Variants in MYT1L observed in about 807,000 individuals in gnomAD.
MYT1L encodes myelin transcription factor 1-like protein.
MYT1L carries 12 observed loss-of-function variants against 126.7 expected under a neutral mutation model. The observed-to-expected ratio is 0.09, with a 90% CI of 0.06 to 0.15. The LOEUF is 0.15. Among genes scored for constraint, MYT1L ranks in the 10% least tolerant of loss-of-function variants. The pLI is 1.00. For missense variants in MYT1L, 979 were observed against 1,585.2 expected, an observed-to-expected ratio of 0.62 and a Z score of 6.49; for synonymous variants, 541 against 604.2, an observed-to-expected ratio of 0.90 and a Z score of 1.53.
At chr2:1,968,144 A>C (rs1490885865) in intron 8 of MYT1L, among the ~76,000 whole-genome samples, 1 of 152,126 alleles carries the variant, frequency 6.6e-6, no homozygotes, top group African/African-American at 2.4e-5. Flanking sequence ...CTCTAGCAGC[A>C]CCACTCTCTG....
intron 21 of MYT1L, among the ~76,000 whole-genome samples, chr2:1,826,492 A>G (rs898782314): frequency 2.0e-5 from 3 of 152,150 alleles, no homozygotes; most frequent in African/African-American, 7.2e-5. Context: ...GAGGAGGTTG[A>G]CCAGATGTCA....
At chr2:1,971,821 G>A (rs954759940) in intron 8 of MYT1L, among the ~76,000 whole-genome samples, 4 of 152,094 alleles carry the variant, frequency 2.6e-5, no homozygotes, top group African/African-American at 9.7e-5. Flanking sequence ...TGAATTTTGT[G>A]TCTGCAAATC....
chr2:1,874,782 T>C (rs749653121), intron 18 of MYT1L, among the ~76,000 whole-genome samples: 2 of 152,324 alleles, frequency 1.3e-5, no homozygotes, highest in East Asian at 3.9e-4. Flanking sequence ...GCTGTCCTCA[T>C]GGAAAGGTGA....
At chr2:1,821,487 C>G (rs1004230468) in intron 21 of MYT1L, among the ~76,000 whole-genome samples, 1 of 152,086 alleles carries the variant, frequency 6.6e-6, no homozygotes, top group African/African-American at 2.4e-5. Context: ...AATGTTCTTT[C>G]TGTTCTTTTC....
intron 21 of MYT1L, among the ~76,000 whole-genome samples, chr2:1,823,759 T>C (rs1475360587): frequency 6.6e-6 from 1 of 152,116 alleles, no homozygotes; most frequent in African/African-American, 2.4e-5. Context: ...TGGGTCCCTG[T>C]AGGAAGATCC....
At chr2:1,996,067 C>T (rs755119997) in intron 5 of MYT1L, among the ~76,000 whole-genome samples, 1 of 152,142 alleles carries the variant, frequency 6.6e-6, no homozygotes. Context: ...AGGGAAGGGC[C>T]GGAGAGGCTG....
At chr2:2,110,830 G>C (rs2079343010) in intron 3 of MYT1L, among the ~76,000 whole-genome samples, 1 of 152,158 alleles carries the variant, frequency 6.6e-6, no homozygotes, top group Non-Finnish European at 1.5e-5. Flanking sequence ...AGACGCTTAT[G>C]GGGGGCAGTA....
At chr2:2,249,807 T>G (rs2094600826) in intron 2 of MYT1L, among the ~76,000 whole-genome samples, 1 of 151,992 alleles carries the variant, frequency 6.6e-6, no homozygotes, top group Non-Finnish European at 1.5e-5. Flanking sequence ...AGAACATATA[T>G]AAAGCTCAAA....
At chr2:2,146,798 T>TATGATAG (rs1161967843) in intron 3 of MYT1L, among the ~76,000 whole-genome samples, 4 of 152,344 alleles carry the variant, frequency 2.6e-5, no homozygotes, top group Admixed American at 1.3e-4. Context: ...CCACCTTAGA[T>TATGATAG]ATGCAGTCAC....
At chr2:1,930,954 G>T (rs1172567285) in intron 9 of MYT1L, among the ~76,000 whole-genome samples, 2 of 152,212 alleles carry the variant, frequency 1.3e-5, no homozygotes, top group Non-Finnish European at 2.9e-5. Flanking sequence ...TTCCCGCACT[G>T]CATACACTGA....
At chr2:1,872,502 A>T (rs1463434235) in intron 18 of MYT1L, among the ~76,000 whole-genome samples, 1 of 152,242 alleles carries the variant, frequency 6.6e-6, no homozygotes, top group Non-Finnish European at 1.5e-5. Context: ...TTTCAGCCTG[A>T]TCTACAAGTC....
At chr2:1,890,193 C>T (rs1359156317) in intron 15 of MYT1L, among the ~76,000 whole-genome samples, 1 of 152,014 alleles carries the variant, frequency 6.6e-6, no homozygotes, top group Non-Finnish European at 1.5e-5. Context: ...TCTCAGCTTC[C>T]CAAGTAGCTG....
At chr2:1,855,345 G>T (rs1387670229) in intron 18 of MYT1L, among the ~76,000 whole-genome samples, 2 of 152,208 alleles carry the variant, frequency 1.3e-5, no homozygotes, top group Non-Finnish European at 2.9e-5. Context: ...TTCCACGAAG[G>T]AAGCCCAGGT....
intron 3 of MYT1L, among the ~76,000 whole-genome samples, chr2:2,166,883 C>G (rs1291404729): frequency 6.6e-6 from 1 of 152,194 alleles, no homozygotes; most frequent in Non-Finnish European, 1.5e-5. Flanking sequence ...AGTTTTGCTT[C>G]TCTTCTGCAT....
At chr2:1,823,925 G>T (rs1172960534) in intron 21 of MYT1L, among the ~76,000 whole-genome samples, 2 of 152,234 alleles carry the variant, frequency 1.3e-5, no homozygotes, top group African/African-American at 4.8e-5. Flanking sequence ...CAGGTGTCCA[G>T]TGACCATTAC....
At chr2:2,289,505 T>G (rs1290890120) in intron 1 of MYT1L, among the ~76,000 whole-genome samples, 1 of 152,236 alleles carries the variant, frequency 6.6e-6, no homozygotes, top group Non-Finnish European at 1.5e-5. Flanking sequence ...TCTGCAAATA[T>G]GTAAGCATAA....
intron 21 of MYT1L, among the ~76,000 whole-genome samples, chr2:1,833,480 A>T (rs1308902994): frequency 6.6e-6 from 1 of 152,030 alleles, no homozygotes; most frequent in Non-Finnish European, 1.5e-5. Context: ...CTGCTTCCTC[A>T]TGTATACAAT....
chr2:2,073,918 C>T (rs971802832), intron 3 of MYT1L, among the ~76,000 whole-genome samples: 2 of 152,182 alleles, frequency 1.3e-5, no homozygotes, highest in Non-Finnish European at 2.9e-5. Flanking sequence ...ACCCTCAGCA[C>T]TCTGGCCTCC....
intron 9 of MYT1L, among the ~76,000 whole-genome samples, chr2:1,935,845 C>A (rs750190853): frequency 5.9e-5 from 9 of 152,176 alleles, no homozygotes; most frequent in Non-Finnish European, 1.3e-4. Context: ...ATATTCGACC[C>A]CACTATCTTA....
Sources: gnomAD v4.1 joint callset for allele counts (sites outside exome capture counted in the v4.1 genomes callset) on GRCh38, gnomAD v4.1.1 for gene constraint, MANE v1.5 for transcripts, NCBI Gene and HGNC (gene_info 2026-07-23, HGNC 2026-07-21) for gene names.